Variants in OLAH observed in about 807,000 individuals in gnomAD.
OLAH encodes the protein S-acyl fatty acid synthase thioesterase, medium chain.
A neutral mutation model predicts 27.8 loss-of-function variants in OLAH; 33 were observed. The ratio of observed to expected loss-of-function variants is 1.19; its 90% CI spans 0.90 to 1.59. The LOEUF is 1.59. Ranked by LOEUF, OLAH falls within the 40% of genes most tolerant of loss-of-function variation. The pLI is 0.00. For missense variants in OLAH, 359 were observed against 310.8 expected (o/e 1.16, Z -1.17); for synonymous variants, 120 against 102.9 (o/e 1.17, Z -1.01).
intron 2 of OLAH, 162 bp downstream of exon 2, chr10:15,047,482 G>T: frequency 1.4e-6 from 1 of 693,202 alleles, no homozygotes; most frequent in Non-Finnish European, 2.5e-6. Context: ...ATTACCTGAG[G>T]TCAGGAGTTC....
At chr10:15,070,739 C>A (rs1361165300) in intron 6 of OLAH, among the ~76,000 whole-genome samples, 7 of 151,846 alleles carry the variant, frequency 4.6e-5, no homozygotes, top group Non-Finnish European at 7.4e-5. Flanking sequence ...CCTCGGCCCC[C>A]CAAAGTGCTG....
intron 2 of OLAH, among the ~76,000 whole-genome samples, chr10:15,048,006 A>G (rs886266862): frequency 6.6e-6 from 1 of 152,224 alleles, no homozygotes; most frequent in Admixed American, 6.5e-5. Flanking sequence ...AGATTGCATC[A>G]TTATACTAGG....
upstream of OLAH, among the ~76,000 whole-genome samples, chr10:15,041,558 G>A (rs10906815): frequency 0.27 from 39,840 of 148,628 alleles, 5,809 homozygotes; most frequent in East Asian, 0.48. Flanking sequence ...GATTACAGGC[G>A]TGAGCCACCA....
chr10:15,071,481 AG>A lies in OLAH; in HGVS notation c.573-313del, dbSNP rs1244182819. 2.3e-5 allele frequency: 22 copies of A among 973,542 alleles called. No homozygotes were observed. The African/African-American group carries it at 3.9e-4, about 17-fold the overall frequency. The allele number at this position is 973,542 out of a possible 1,614,324, so 60.3% of individuals were successfully genotyped here. A position where few individuals can be genotyped will look rare whatever the true frequency, so the allele number is the denominator to read the frequency against. ...GCCAAGGAGAGCTAAGAGTTACTAA[AG>A]AGGTCTTCGTTTCTGATGACAGTTT... is the stretch of plus-strand genomic sequence containing the variant. On this transcript the variant is annotated intron_variant, in intron 6 of 7. Coordinates refer to ENST00000378228, the MANE Select transcript of OLAH (RefSeq NM_001039702.3).
intron 2 of OLAH, 38 bp from the exon 3 acceptor site, chr10:15,049,597 T>C (rs749418166): frequency 3.0e-5 from 41 of 1,346,238 alleles, no homozygotes; most frequent in Middle Eastern, 3.7e-4. Context: ...ACTTAATTGA[T>C]ATACATAATG....
At chr10:15,059,809 AAAAT>A (rs1027673797) in intron 3 of OLAH, among the ~76,000 whole-genome samples, 2 of 152,150 alleles carry the variant, frequency 1.3e-5, no homozygotes, top group East Asian at 1.9e-4. Context: ...CCTTCTCAAA[AAAAT>A]AAATAAATAA....
chr10:15,060,894 T>G (rs1003592799), intron 3 of OLAH, among the ~76,000 whole-genome samples: 5 of 152,196 alleles, frequency 3.3e-5, no homozygotes, highest in Non-Finnish European at 5.9e-5. Context: ...TGTGTTAGAC[T>G]TTGCTCTAGC....
At chr10:15,071,670 T>C (rs762884794) in intron 6 of OLAH, 125 bp from the exon 7 acceptor site, 6 of 1,422,752 alleles carry the variant, frequency 4.2e-6, no homozygotes, top group Non-Finnish European at 5.6e-6. Context: ...AAAAATGTTT[T>C]ACACTGCTAG....
upstream of OLAH, among the ~76,000 whole-genome samples, chr10:15,040,633 T>C (rs184604581): frequency 6.6e-4 from 100 of 152,260 alleles, 1 homozygote; most frequent in Admixed American, 6.2e-3. Context: ...AGTTTCATCA[T>C]GCCTTTTTAG....
At chr10:15,036,483 G>C (rs1490900414) in intron 1 of OLAH, among the ~76,000 whole-genome samples, 1 of 151,964 alleles carries the variant, frequency 6.6e-6, no homozygotes, top group Non-Finnish European at 1.5e-5. Flanking sequence ...GGCAACAAAA[G>C]CGAGACTCTA....
upstream of OLAH, among the ~76,000 whole-genome samples, chr10:15,042,168 T>G (rs1052982479): frequency 4.6e-5 from 7 of 152,128 alleles, no homozygotes; most frequent in Middle Eastern, 3.4e-3. Flanking sequence ...TTTTTTCTTT[T>G]GAGACAGAGT....
intron 3 of OLAH, among the ~76,000 whole-genome samples, chr10:15,054,963 G>T (rs1319311037): frequency 3.3e-5 from 5 of 151,822 alleles, no homozygotes; most frequent in Non-Finnish European, 4.4e-5. Context: ...GGTGTTTTTT[G>T]TTTTGTTTTG....
chr10:15,064,581 T>C (rs1844430471), intron 5 of OLAH, 79 bp downstream of exon 5: 1 of 730,460 alleles, frequency 1.4e-6, no homozygotes. Flanking sequence ...TATTTCTCTA[T>C]CTGGTGAATT....
At chr10:15,034,128 T>G (rs1564523209) in intron 1 of OLAH, among the ~76,000 whole-genome samples, 1 of 150,692 alleles carries the variant, frequency 6.6e-6, no homozygotes, top group African/African-American at 2.4e-5. Flanking sequence ...TTTTTTTTTT[T>G]TTTGAGACGG....
upstream of OLAH, among the ~76,000 whole-genome samples, chr10:15,040,954 A>G (rs1361854841): frequency 6.6e-6 from 1 of 152,108 alleles, no homozygotes; most frequent in East Asian, 1.9e-4. Flanking sequence ...TACCTCAACC[A>G]TCAGATTACT....
At chr10:15,032,265 C>T (rs1285780363) in exon 1 of OLAH, 1 of 152,134 alleles carries the variant, frequency 6.6e-6, no homozygotes, top group Non-Finnish European at 1.5e-5. Context: ...ACATCAGACT[C>T]CAATTTCTTC....
chr10:15,046,258 A>G (rs562919549), intron 1 of OLAH, among the ~76,000 whole-genome samples: 2 of 150,552 alleles, frequency 1.3e-5, no homozygotes, highest in East Asian at 2.0e-4. Flanking sequence ...AGGCAGGACA[A>G]TCATTTGAAC....
chr10:15,051,082 T>TATTATTATTA (rs200580018), intron 3 of OLAH, among the ~76,000 whole-genome samples: 1 of 143,292 alleles, frequency 7.0e-6, no homozygotes, highest in East Asian at 2.0e-4. Flanking sequence ...ATTATTATTT[T>TATTATTATTA]TTTTTTTTTT....
chr10:15,065,142 T>C (rs941225852), intron 5 of OLAH, among the ~76,000 whole-genome samples: 3 of 152,224 alleles, frequency 2.0e-5, no homozygotes, highest in African/African-American at 7.2e-5. Context: ...TTTTCCTTCA[T>C]TGTGGGTCAG....
Sources: gnomAD v4.1 joint callset for allele counts (sites outside exome capture counted in the v4.1 genomes callset) on GRCh38, gnomAD v4.1.1 for gene constraint, MANE v1.5 for transcripts, NCBI Gene and HGNC (gene_info 2026-07-23, HGNC 2026-07-21) for gene names.